Variants in MGRN1 observed in about 807,000 individuals in gnomAD.
MGRN1 encodes the protein E3 ubiquitin-protein ligase MGRN1.
Under a neutral mutation model 69.2 loss-of-function variants are expected in MGRN1, and 29 were observed. The ratio of observed to expected loss-of-function variants is 0.42; its 90% CI spans 0.31 to 0.57. MGRN1 has a LOEUF of 0.57. MGRN1 is among the 20% of genes least tolerant of loss of function. The pLI is 0.15. For missense variants in MGRN1, 998 were observed against 796.2 expected, an observed-to-expected ratio of 1.25 and a Z score of -3.05; for synonymous variants, 470 against 344.2, an observed-to-expected ratio of 1.37 and a Z score of -4.04.
chr16:4,671,123 CA>C (rs2078927718), intron 8 of MGRN1, among the ~76,000 whole-genome samples: 1 of 151,296 alleles, frequency 6.6e-6, no homozygotes, highest in Non-Finnish European at 1.5e-5. Context: ...GTGAGGCGGT[CA>C]GGGGGTGGTG....
chr16:4,676,677 C>T (rs1308660853), intron 10 of MGRN1, among the ~76,000 whole-genome samples: 3 of 152,092 alleles, frequency 2.0e-5, no homozygotes, highest in South Asian at 2.1e-4. Context: ...TTTGGTGGTT[C>T]GGTTTCCTGG....
At chr16:4,674,382 G>T (rs1283570708) in intron 10 of MGRN1, among the ~76,000 whole-genome samples, 1 of 151,764 alleles carries the variant, frequency 6.6e-6, no homozygotes, top group Admixed American at 6.6e-5. Context: ...TCCGCCTCCC[G>T]GGTTTAAGTG....
chr16:4,670,915 T>G (rs2078923772), intron 8 of MGRN1, among the ~76,000 whole-genome samples: 1 of 152,198 alleles, frequency 6.6e-6, no homozygotes, highest in East Asian at 1.9e-4. Flanking sequence ...TGAGGCTTTT[T>G]GGTTGCAAGT....
At chr16:4,688,629 C>T in intron 16 of MGRN1, 167 bp from the exon 17 acceptor site, 5 of 1,407,398 alleles carry the variant, frequency 3.6e-6, no homozygotes, top group Non-Finnish European at 4.7e-6. Flanking sequence ...TAGGGAGTCC[C>T]CGGGCCCTTG....
At chr16:4,630,808 CTTTT>C (rs58149708) in intron 1 of MGRN1, among the ~76,000 whole-genome samples, 1 of 109,240 alleles carries the variant, frequency 9.2e-6, no homozygotes. Context: ...AGAGTTAATT[CTTTT>C]TTTTTTTTTT....
At chr16:4,674,043 A>G (rs187197820) in intron 10 of MGRN1, among the ~76,000 whole-genome samples, 3 of 151,358 alleles carry the variant, frequency 2.0e-5, no homozygotes, top group Admixed American at 2.0e-4. Context: ...GGAGTTCAGT[A>G]GCGAGTTCTC....
intron 3 of MGRN1, 48 bp from the exon 4 acceptor site, chr16:4,652,630 C>A (rs764340153): frequency 6.4e-7 from 1 of 1,567,830 alleles, no homozygotes; most frequent in South Asian, 1.2e-5. Flanking sequence ...GCAGCCTCCG[C>A]AGATGGGGCC....
intron 4 of MGRN1, among the ~76,000 whole-genome samples, chr16:4,656,710 A>G (rs142560024): frequency 0.026 from 3,993 of 152,090 alleles, 117 homozygotes; most frequent in African/African-American, 0.068. Flanking sequence ...GTGAAACCCC[A>G]TCTGTACTAA....
intron 16 of MGRN1, chr16:4,687,355 T>C (rs1166633726): frequency 6.3e-6 from 6 of 954,158 alleles, no homozygotes; most frequent in Non-Finnish European, 7.5e-6. Context: ...TCAAGATCAG[T>C]GTAGAAAACA....
chr16:4,680,285 C>T (rs930449859), intron 12 of MGRN1, 188 bp downstream of exon 12: 5 of 597,740 alleles, frequency 8.4e-6, no homozygotes, highest in South Asian at 2.1e-5. Context: ...GGTCCGTGGG[C>T]GAAACGCCAG....
intron 6 of MGRN1, 85 bp from the exon 7 acceptor site, chr16:4,665,017 C>G (rs561219609): frequency 4.0e-6 from 6 of 1,511,944 alleles, no homozygotes; most frequent in Middle Eastern, 1.8e-4. Context: ...CCCTCGGTGC[C>G]GCAGGCCTAC....
intron 4 of MGRN1, 42 bp downstream of exon 4, chr16:4,652,866 C>T: frequency 2.6e-6 from 4 of 1,551,586 alleles, no homozygotes; most frequent in East Asian, 2.3e-5. Flanking sequence ...GCTGGGGGCC[C>T]CAGACTCCTG....
At chr16:4,648,037 A>G (rs933615894) in intron 1 of MGRN1, among the ~76,000 whole-genome samples, 1 of 152,130 alleles carries the variant, frequency 6.6e-6, no homozygotes, top group Non-Finnish European at 1.5e-5. Context: ...TGAAGGTCTC[A>G]GAATTCCCGC....
intron 1 of MGRN1, among the ~76,000 whole-genome samples, chr16:4,648,757 G>A (rs372239578): frequency 1.5e-5 from 2 of 131,190 alleles, no homozygotes; most frequent in Non-Finnish European, 3.2e-5. Context: ...GTGGTCACCC[G>A]GCTCCTCCTC....
At chr16:4,684,164 C>G (rs1269375553) in intron 16 of MGRN1, among the ~76,000 whole-genome samples, 1 of 152,264 alleles carries the variant, frequency 6.6e-6, no homozygotes, top group Admixed American at 6.5e-5. Context: ...GGAACCTGCA[C>G]CAAAGCCCCT....
chr16:4,652,400 CA>C (rs573941795), intron 3 of MGRN1, among the ~76,000 whole-genome samples: 124 of 152,148 alleles, frequency 8.1e-4, no homozygotes, highest in African/African-American at 2.9e-3. Context: ...CAGATTTCAG[CA>C]GGTTCAGAAA....
chr16:4,656,339 C>T (rs116339772), intron 4 of MGRN1, among the ~76,000 whole-genome samples: 1 of 152,232 alleles, frequency 6.6e-6, no homozygotes, highest in Admixed American at 6.5e-5. Flanking sequence ...AAAGCGGGAC[C>T]TGTGTGGTGG....
Position 4,689,611 on chromosome 16 carries a change from C to A in MGRN1, c.*703C>A, listed in dbSNP as rs2079411867. 6.6e-6 allele frequency: 1 copy of A among 152,278 alleles called. No individual in the cohort carries two copies. The highest frequency in any genetic ancestry group is 2.1e-4 in the South Asian group (1 of 4,842). 9.4% of individuals were successfully genotyped at this position (152,278 alleles called of 1,614,324 possible). A position where few individuals can be genotyped will look rare whatever the true frequency, so the allele number is the denominator to read the frequency against. On this transcript the variant is annotated 3_prime_UTR_variant, in exon 17 of 17. Coordinates refer to ENST00000262370, the MANE Select transcript of MGRN1 (RefSeq NM_015246.4). ...AGCAGCCAGCATTCAGTGGCCTTGT[C>A]ACCAAGCTCCACACCTCCTCCTGGT...
intron 8 of MGRN1, among the ~76,000 whole-genome samples, chr16:4,668,605 C>T (rs12444370): frequency 6.6e-6 from 1 of 151,348 alleles, no homozygotes; most frequent in Non-Finnish European, 1.5e-5. Context: ...CACACATACA[C>T]TCACACTCAC....
Sources: gnomAD v4.1 joint callset for allele counts (sites outside exome capture counted in the v4.1 genomes callset) on GRCh38, gnomAD v4.1.1 for gene constraint, MANE v1.5 for transcripts, NCBI Gene and HGNC (gene_info 2026-07-23, HGNC 2026-07-21) for gene names.